TCF12: variants seen among roughly 807,000 people sequenced by gnomAD.
TCF12 encodes the protein transcription factor 12.
Under a neutral mutation model 86.0 loss-of-function variants are expected in TCF12, and 45 were observed. That is an observed-to-expected ratio of 0.52 (90% confidence interval 0.41 to 0.67). The LOEUF (loss-of-function observed/expected upper bound fraction) is 0.67, where lower values mean the gene tolerates loss of function less well. TCF12 is among the 30% of genes least tolerant of loss of function. The probability of loss-of-function intolerance (pLI) is 0.00; values close to 1 mark genes in which losing one functional copy is unlikely to be tolerated. For synonymous variants in TCF12, 330 were observed against 299.6 expected (o/e 1.10, Z -1.05); for missense variants, 881 against 859.9 (o/e 1.02, Z -0.31).
At position 57,002,634 on chromosome 15, in the gene TCF12, C is replaced by G. The variant is rs112611633; in HGVS notation, c.149-61116C>G. Among the ~76,000 whole-genome samples, 11 of 152,218 alleles carry G rather than the reference C, an allele frequency of 7.2e-5. 1 individual carries two copies. The highest frequency in any genetic ancestry group is 2.6e-4 in the African/African-American group (11 of 41,538). ...TTCTAGATTCCCACATAGATATATCCCAATTCAAAAAGAAAACTAAGTGAC... is the reference window on the plus strand; with the variant it reads ...TTCTAGATTCCCACATAGATATATCGCAATTCAAAAAGAAAACTAAGTGAC... On this transcript the variant is annotated intron_variant, in intron 3 of 20. Transcript: ENST00000333725.
At chr15:57,133,332 TTAA>T (rs1232400552) in intron 5 of TCF12, among the ~76,000 whole-genome samples, 1 of 152,246 alleles carries the variant, frequency 6.6e-6, no homozygotes, top group Non-Finnish European at 1.5e-5. Context: ...CAACCCTGTA[TTAA>T]TATGCACAAC....
intron 8 of TCF12, among the ~76,000 whole-genome samples, chr15:57,228,821 TA>T (rs2063163464): frequency 6.6e-6 from 1 of 152,048 alleles, no homozygotes; most frequent in Non-Finnish European, 1.5e-5. Context: ...ATAAATTATG[TA>T]AAAATTTAAA....
chr15:57,269,213 T>C (rs2061008417), intron 18 of TCF12, among the ~76,000 whole-genome samples: 1 of 152,150 alleles, frequency 6.6e-6, no homozygotes, highest in Admixed American at 6.5e-5. Context: ...TGCTCGTGTA[T>C]TGGGTGTGTA....
rs1350538350 is a variant in TCF12 at position 57,278,013 on chromosome 15, AAT to A, written c.1979-4430_1979-4429del. Among the ~76,000 whole-genome samples the A allele has an allele frequency of 5.3e-5, 8 of 152,094 alleles. No homozygotes were observed. The East Asian group carries it at 1.5e-3, about 29-fold the overall frequency. On this transcript the variant is annotated intron_variant, in intron 19 of 20. Coordinates refer to ENST00000333725, the MANE Select transcript of TCF12 (RefSeq NM_207037.2). Reference sequence around the variant, plus strand: ...ACCTTCCATATACATCCTTTTAAAAAATAGAGACAGGGTTTCACTGTATTGCC... The same window carrying A: ...ACCTTCCATATACATCCTTTTAAAAAAGAGACAGGGTTTCACTGTATTGCC...
At position 57,024,716 on chromosome 15, in the gene TCF12, T is replaced by C. The variant is rs563340650; in HGVS notation, c.149-39034T>C. 2.1e-4 allele frequency among the ~76,000 whole-genome samples: 32 copies of C among 152,292 alleles called. No homozygotes were observed. The South Asian group carries it at 4.3e-3, about 21-fold the overall frequency. On this transcript the variant is annotated intron_variant, in intron 3 of 20. Transcript: ENST00000333725. The stretch of plus-strand genomic sequence containing the variant: ...TTAGACCATTCCATAGTAAGAAGAA[T>C]AGTGCCAATCAGTAATTGGAAGAAT...
At chr15:57,127,280 G>T (rs577601341) in intron 5 of TCF12, among the ~76,000 whole-genome samples, 1 of 152,042 alleles carries the variant, frequency 6.6e-6, no homozygotes, top group South Asian at 2.1e-4. Context: ...ACCTTGCCTG[G>T]CCCGCTTGTA....
At chr15:57,283,661 G>C (rs1218848829) in intron 20 of TCF12, among the ~76,000 whole-genome samples, 2 of 152,132 alleles carry the variant, frequency 1.3e-5, no homozygotes, top group African/African-American at 4.8e-5. Context: ...AGATGAGTGC[G>C]GGGTGTGGAA....
chr15:57,038,954 T>C lies in TCF12; in HGVS notation c.149-24796T>C, dbSNP rs139294176. Among the ~76,000 whole-genome samples, 267 of 152,296 alleles carry C rather than the reference T, an allele frequency of 1.8e-3. 1 individual carries two copies. Among genetic ancestry groups the C allele is most frequent in the South Asian group, 4.8e-3 (23 of 4,832 alleles). On this transcript the variant is annotated intron_variant, in intron 3 of 20. Transcript: ENST00000333725. The stretch of plus-strand genomic sequence containing the variant: ...GATAGATGACTAGGCCTTTGATGTT[T>C]TTTTCCTTGTGTGAATGAGGAAAAA...
At chr15:57,238,366 G>A (rs2059465245) in intron 12 of TCF12, among the ~76,000 whole-genome samples, 2 of 152,130 alleles carry the variant, frequency 1.3e-5, no homozygotes, top group South Asian at 4.1e-4. Flanking sequence ...GATTGTTTAA[G>A]TGTAAGGACA....
At chr15:57,000,203 C>T (rs1260212223) in intron 3 of TCF12, among the ~76,000 whole-genome samples, 1 of 152,104 alleles carries the variant, frequency 6.6e-6, no homozygotes, top group African/African-American at 2.4e-5. Flanking sequence ...AAGACAGGAT[C>T]TCTCTCTATC....
chr15:57,125,949 G>A (rs1212376172), intron 5 of TCF12, among the ~76,000 whole-genome samples: 1 of 151,862 alleles, frequency 6.6e-6, no homozygotes, highest in Non-Finnish European at 1.5e-5. Flanking sequence ...CTGATTTTAG[G>A]TCTGGGCACA....
chr15:56,954,330 T>G (rs562744293), intron 3 of TCF12, among the ~76,000 whole-genome samples: 3 of 152,328 alleles, frequency 2.0e-5, no homozygotes, highest in Admixed American at 6.5e-5. Context: ...AAGGATTCCC[T>G]GTTTAATAAG....
intron 15 of TCF12, among the ~76,000 whole-genome samples, chr15:57,252,776 T>C (rs1366162120): frequency 6.6e-6 from 1 of 152,208 alleles, no homozygotes; most frequent in East Asian, 1.9e-4. Context: ...ATTTATTTAG[T>C]TTTGTCAAAG....
intron 5 of TCF12, among the ~76,000 whole-genome samples, chr15:57,092,950 C>G (rs1287063347): frequency 6.6e-6 from 1 of 152,126 alleles, no homozygotes; most frequent in African/African-American, 2.4e-5. Context: ...TTTGCACAGT[C>G]TTTGTTTCCC....
At chr15:56,998,386 G>A (rs2063823806) in intron 3 of TCF12, among the ~76,000 whole-genome samples, 1 of 151,198 alleles carries the variant, frequency 6.6e-6, no homozygotes, top group Non-Finnish European at 1.5e-5. Flanking sequence ...GAACCCAGGA[G>A]GTGGAGACTG....
At chr15:57,150,332 A>C (rs917226990) in intron 5 of TCF12, among the ~76,000 whole-genome samples, 5 of 152,198 alleles carry the variant, frequency 3.3e-5, no homozygotes, top group African/African-American at 9.7e-5. Context: ...AGCTGGGAAT[A>C]ATTCTTTCTC....
At chr15:56,997,455 T>TG (rs2063774824) in intron 3 of TCF12, among the ~76,000 whole-genome samples, 1 of 152,030 alleles carries the variant, frequency 6.6e-6, no homozygotes, top group Non-Finnish European at 1.5e-5. Context: ...CAGTAGACAC[T>TG]GGGGAATACA....
At chr15:57,285,536 A>G (rs2061896357) in intron 20 of TCF12, among the ~76,000 whole-genome samples, 1 of 152,208 alleles carries the variant, frequency 6.6e-6, no homozygotes, top group African/African-American at 2.4e-5. Flanking sequence ...CTCTGACCTC[A>G]GGTGCTCTCA....
At chr15:57,140,499 T>C (rs2052882193) in intron 5 of TCF12, among the ~76,000 whole-genome samples, 2 of 152,214 alleles carry the variant, frequency 1.3e-5, no homozygotes, top group South Asian at 4.1e-4. Context: ...TCAGACGTTA[T>C]GCTAAGGACT....
Sources: allele counts gnomAD v4.1 joint callset (sites outside exome capture counted in the v4.1 genomes callset), GRCh38; gene constraint gnomAD v4.1.1; transcripts MANE v1.5; gene names NCBI Gene and HGNC (gene_info 2026-07-23, HGNC 2026-07-21).